The following CPEB3 variants were observed in gnomAD, a reference collection of about 807,000 sequenced individuals.
CPEB3 encodes the protein cytoplasmic polyadenylation element-binding protein 3.
In CPEB3, 20 loss-of-function variants were observed where a neutral mutation model predicts 67.2. That is an observed-to-expected ratio of 0.30 (90% confidence interval 0.21 to 0.43). The LOEUF (loss-of-function observed/expected upper bound fraction) is 0.43. Ranked by LOEUF, CPEB3 falls within the 20% of genes least tolerant of loss-of-function variation. CPEB3 has a pLI of 1.00. For synonymous variants in CPEB3, 376 were observed against 393.1 expected (o/e 0.96, Z 0.51); for missense variants, 746 against 968.6 (o/e 0.77, Z 3.05).
intron 7 of CPEB3, among the ~76,000 whole-genome samples, chr10:92,110,636 G>A (rs2133478525): frequency 6.6e-6 from 1 of 152,248 alleles, no homozygotes; most frequent in Admixed American, 6.5e-5. Flanking sequence ...GACCCAGAAG[G>A]CTCTATTTAA....
rs796282696 is a variant in CPEB3 at position 92,052,073 on chromosome 10, TAATAAA to T, written c.*133_*138del. The T allele has an allele frequency of 7.5e-5, 45 of 601,096 alleles. No individual in the cohort carries two copies. Among genetic ancestry groups the T allele is most frequent in the African/African-American group, 4.6e-4 (25 of 53,924 alleles). The allele number at this position is 601,096 out of a possible 1,614,324, so 37.2% of individuals were successfully genotyped here. A position where few individuals can be genotyped will look rare whatever the true frequency, so the allele number is the denominator to read the frequency against. On this transcript the variant is annotated 3_prime_UTR_variant, in exon 10 of 10. Coordinates refer to ENST00000265997, the MANE Select transcript of CPEB3 (RefSeq NM_014912.5). ...ATATGACTGTAAATAATAATAATAATAATAAAAAGACCCAATTCTTCTTTAAAAATC... is the reference window on the plus strand; with the variant it reads ...ATATGACTGTAAATAATAATAATAATAAGACCCAATTCTTCTTTAAAAATC...
chr10:92,129,693 T>C (rs79453966), intron 6 of CPEB3, among the ~76,000 whole-genome samples: 2,449 of 152,160 alleles, frequency 0.016, 65 homozygotes, highest in African/African-American at 0.056. Flanking sequence ...TCTGGGAGAC[T>C]AGATCAATTT....
rs1246889717 is a variant in CPEB3 at position 92,192,606 on chromosome 10, A to T, written c.1036T>A (p.Leu346Met). The T allele has an allele frequency of 3.1e-6, 5 of 1,612,552 alleles. No homozygotes were observed. The highest frequency in any genetic ancestry group is 4.2e-6 in the Non-Finnish European group (5 of 1,179,322). ...DRSRPYDTFN[L>M]HSLENSLMDM... ...ATTAAGGAGTTCTCCAACGAGTGCA[A>T]GTTAAAAGTATCATAGGGCCTACTC... The change falls in exon 3 of 10, where the codon TTG (leucine) becomes ATG (methionine). Residue 346 changes from leucine (L) to methionine (M), a missense_variant. Transcript: ENST00000265997.
chr10:92,095,548 T>C (rs1843818646), intron 7 of CPEB3, among the ~76,000 whole-genome samples: 1 of 149,296 alleles, frequency 6.7e-6, no homozygotes, highest in East Asian at 1.9e-4. Context: ...CTTCTGGACT[T>C]ACTCTTTGTT....
At chr10:92,157,072 G>A (rs1319459705) in intron 4 of CPEB3, among the ~76,000 whole-genome samples, 1 of 152,194 alleles carries the variant, frequency 6.6e-6, no homozygotes, top group Admixed American at 6.5e-5. Flanking sequence ...TTGTGATCTT[G>A]ACTCTGGCTT....
chr10:92,097,914 C>A (rs1843957410), intron 7 of CPEB3, among the ~76,000 whole-genome samples: 1 of 152,038 alleles, frequency 6.6e-6, no homozygotes, highest in Non-Finnish European at 1.5e-5. Context: ...GTAATCCCAG[C>A]ACTTTGGGAG....
chr10:92,081,477 C>T lies in CPEB3; in HGVS notation c.1712G>A (p.Arg571His), dbSNP rs1211150494. Reference protein sequence around the residue: ...RAVELAMIMDRLYGGVCYAGI... With the variant: ...RAVELAMIMDHLYGGVCYAGI... Reference sequence around the variant, plus strand: ...AGCATAGCAGACACCACCGTACAAACGGTCCATGATCATTGCCAGTTCAAC... The same window carrying T: ...AGCATAGCAGACACCACCGTACAAATGGTCCATGATCATTGCCAGTTCAAC... Residue 571 changes from arginine (R) to histidine (H), a missense_variant, in exon 9 of 10, where the codon CGT becomes CAT. By Grantham distance (29) the Arg-to-His change is conservative. Transcript: ENST00000265997. 3.7e-6 allele frequency: 6 copies of T among 1,613,630 alleles called. No homozygotes were observed. The highest frequency in any genetic ancestry group is 1.3e-5 in the African/African-American group (1 of 74,748).
chr10:92,238,984 T>C lies in CPEB3; in HGVS notation c.1005+362A>G, dbSNP rs1851676149. ...TGAAATGTGTAGCTACTCAAAATGATAGGAATCTCAGCCTACTCATCCTGG... is the reference window on the plus strand; with the variant it reads ...TGAAATGTGTAGCTACTCAAAATGACAGGAATCTCAGCCTACTCATCCTGG... On this transcript the variant is annotated intron_variant, in intron 2 of 9. Transcript: ENST00000265997. Among the ~76,000 whole-genome samples the C allele has an allele frequency of 3.3e-5, 5 of 152,174 alleles. No homozygotes were observed. In the South Asian group the frequency reaches 1.0e-3, roughly 32 times the overall value.
At chr10:92,168,434 A>G (rs745717540) in intron 4 of CPEB3, among the ~76,000 whole-genome samples, 5 of 152,182 alleles carry the variant, frequency 3.3e-5, no homozygotes, top group Non-Finnish European at 7.4e-5. Flanking sequence ...CTCTCAGCCT[A>G]TTCTAGTGTG....
chr10:92,272,920 G>A lies in CPEB3; in HGVS notation c.-12+18006C>T, dbSNP rs145992294. Among the ~76,000 whole-genome samples, 263 of 152,256 alleles carry A rather than the reference G, an allele frequency of 1.7e-3. 1 individual carries two copies. The highest frequency in any genetic ancestry group is 2.3e-3 in the Non-Finnish European group (154 of 68,026). On this transcript the variant is annotated intron_variant, in intron 1 of 9. Transcript: ENST00000265997. Reference sequence around the variant, plus strand: ...GGAGAGGCCAATTGCCAAATCAGTCGGAAAGAGGTGAAGGTCAATGTGGGG... The same window carrying A: ...GGAGAGGCCAATTGCCAAATCAGTCAGAAAGAGGTGAAGGTCAATGTGGGG...
intron 9 of CPEB3, among the ~76,000 whole-genome samples, chr10:92,059,661 A>G (rs1842262625): frequency 6.6e-6 from 1 of 152,206 alleles, no homozygotes; most frequent in African/African-American, 2.4e-5. Flanking sequence ...AAAAGACAAT[A>G]GAAAAGTTAA....
chr10:92,100,745 C>A (rs530153103), intron 7 of CPEB3, among the ~76,000 whole-genome samples: 2 of 152,196 alleles, frequency 1.3e-5, no homozygotes, highest in Non-Finnish European at 2.9e-5. Context: ...GTGCCCGCCA[C>A]CACGCCCAGC....
chr10:92,179,284 C>A (rs1393422641), intron 4 of CPEB3, among the ~76,000 whole-genome samples: 1 of 152,086 alleles, frequency 6.6e-6, no homozygotes, highest in Non-Finnish European at 1.5e-5. Context: ...TAAAGAAAAT[C>A]AAACCAAAGA....
chr10:92,284,510 C>T (rs962392538), intron 1 of CPEB3, among the ~76,000 whole-genome samples: 3 of 151,998 alleles, frequency 2.0e-5, no homozygotes, highest in Non-Finnish European at 4.4e-5. Flanking sequence ...TCAGTTTCTT[C>T]TATTCATCAT....
chr10:92,132,266 G>C (rs1459921764), intron 6 of CPEB3, among the ~76,000 whole-genome samples: 1 of 152,008 alleles, frequency 6.6e-6, no homozygotes, highest in Admixed American at 6.6e-5. Flanking sequence ...AAATCGATGA[G>C]GAAAAAATTG....
intron 4 of CPEB3, among the ~76,000 whole-genome samples, chr10:92,166,386 G>A (rs750075244): frequency 1.3e-5 from 2 of 152,158 alleles, no homozygotes. Flanking sequence ...TGGGATTACA[G>A]GCATGAGCCA....
intron 2 of CPEB3, among the ~76,000 whole-genome samples, chr10:92,200,534 A>G (rs1849472537): frequency 7.1e-6 from 1 of 141,464 alleles, no homozygotes; most frequent in African/African-American, 2.6e-5. Context: ...GACAAGAGTG[A>G]AACTCCGTCT....
chr10:92,255,458 T>C (rs908153626), intron 1 of CPEB3, among the ~76,000 whole-genome samples: 5 of 152,214 alleles, frequency 3.3e-5, no homozygotes, highest in African/African-American at 9.6e-5. Flanking sequence ...GCATTCTTCA[T>C]AAAACACTTC....
At chr10:92,175,852 G>A (rs1848200778) in intron 4 of CPEB3, among the ~76,000 whole-genome samples, 1 of 151,980 alleles carries the variant, frequency 6.6e-6, no homozygotes, top group Non-Finnish European at 1.5e-5. Flanking sequence ...CACTTTGAGA[G>A]GCCATGGCAG....
Sources: allele counts gnomAD v4.1 joint callset (sites outside exome capture counted in the v4.1 genomes callset), GRCh38; gene constraint gnomAD v4.1.1; transcripts MANE v1.5; gene names NCBI Gene and HGNC (gene_info 2026-07-23, HGNC 2026-07-21).